HIVEP2: variants seen among roughly 807,000 people sequenced by gnomAD.
HIVEP2 encodes the protein transcription factor HIVEP2.
Under a neutral mutation model 180.7 loss-of-function variants are expected in HIVEP2, and 14 were observed. The ratio of observed to expected loss-of-function variants is 0.08; its 90% CI spans 0.05 to 0.12. The LOEUF is 0.12. Among genes scored for constraint, HIVEP2 ranks in the 10% least tolerant of loss-of-function variants. HIVEP2 has a pLI of 1.00. For synonymous variants in HIVEP2, 1,184 were observed against 1,136.4 expected, an observed-to-expected ratio of 1.04 and a Z score of -0.84; for missense variants, 2,579 against 3,008.5, an observed-to-expected ratio of 0.86 and a Z score of 3.34.
intron 1 of HIVEP2, among the ~76,000 whole-genome samples, chr6:142,918,990 G>A (rs1777628342): frequency 1.3e-5 from 2 of 152,132 alleles, no homozygotes; most frequent in Admixed American, 6.5e-5. Flanking sequence ...AATTTAGATT[G>A]TTTTATTCTT....
chr6:142,908,665 A>C (rs1777328367), intron 1 of HIVEP2, among the ~76,000 whole-genome samples: 1 of 152,166 alleles, frequency 6.6e-6, no homozygotes, highest in Admixed American at 6.5e-5. Flanking sequence ...TAGCAATCAA[A>C]GACCAAGAAC....
At chr6:142,934,796 A>G (rs1350936370) in intron 1 of HIVEP2, among the ~76,000 whole-genome samples, 2 of 152,214 alleles carry the variant, frequency 1.3e-5, no homozygotes, top group Admixed American at 1.3e-4. Context: ...TTTGCATGAA[A>G]GGAAACCGTT....
chr6:142,754,080 T>A (rs1434274420), intron 9 of HIVEP2, 149 bp from the exon 10 acceptor site: 7 of 558,620 alleles, frequency 1.3e-5, no homozygotes, highest in Non-Finnish European at 1.9e-5. Context: ...TTTTCCTATT[T>A]CAAGACAAAA....
chr6:142,757,219 G>C (rs980850989), intron 9 of HIVEP2, among the ~76,000 whole-genome samples: 1 of 152,094 alleles, frequency 6.6e-6, no homozygotes, highest in Admixed American at 6.5e-5. Context: ...TGCTTGGGAC[G>C]AACTGTCCCT....
At chr6:142,898,603 A>G (rs1777057485) in intron 1 of HIVEP2, among the ~76,000 whole-genome samples, 1 of 152,204 alleles carries the variant, frequency 6.6e-6, no homozygotes, top group Non-Finnish European at 1.5e-5. Context: ...TGGAGGTTGC[A>G]GTGAGGTCAC....
At chr6:142,776,869 G>A (rs1475625234) in intron 3 of HIVEP2, among the ~76,000 whole-genome samples, 1 of 152,074 alleles carries the variant, frequency 6.6e-6, no homozygotes, top group Non-Finnish European at 1.5e-5. Context: ...AGGTTTGAAT[G>A]TTTATGTTTA....
intron 2 of HIVEP2, among the ~76,000 whole-genome samples, chr6:142,794,806 T>C (rs560907299): frequency 6.6e-6 from 1 of 152,328 alleles, no homozygotes; most frequent in South Asian, 2.1e-4. Context: ...AATTCAGATT[T>C]AGAAACATGT....
chr6:142,779,274 G>A (rs1375241033), intron 3 of HIVEP2, among the ~76,000 whole-genome samples: 1 of 152,120 alleles, frequency 6.6e-6, no homozygotes, highest in African/African-American at 2.4e-5. Flanking sequence ...AATCAGGTAT[G>A]TATCATTTTC....
At chr6:142,782,551 C>T (rs1318436490) in intron 3 of HIVEP2, among the ~76,000 whole-genome samples, 1 of 152,128 alleles carries the variant, frequency 6.6e-6, no homozygotes, top group Non-Finnish European at 1.5e-5. Flanking sequence ...ATTATAAAGG[C>T]TTCTTTTAGT....
At chr6:142,884,028 T>C (rs774368654) in intron 1 of HIVEP2, among the ~76,000 whole-genome samples, 50 of 152,292 alleles carry the variant, frequency 3.3e-4, no homozygotes, top group Admixed American at 7.2e-4. Flanking sequence ...ACTTGATGGG[T>C]GAAACATTTT....
rs751248666 is a variant in HIVEP2, at chr6:142,773,124, G to A, written c.1615C>T (p.Pro539Ser). The change falls in exon 5 of 10, where the codon CCC becomes TCC. Residue 539 changes from proline (P) to serine (S), a missense_variant. Pro to Ser is a moderately conservative substitution (Grantham distance 74). Transcript: ENST00000367603. ...GGCACTGAGTTGCTTCTAATAAGGG[G>A]TGAAGAGTCTACAGGAGCTTCTAAG... ...VLLEAPVDSS[P>S]LIRSNSVPTS... 1 of 1,614,096 alleles carries A rather than the reference G, an allele frequency of 6.2e-7. No individual in the cohort carries two copies. Among genetic ancestry groups the A allele is most frequent in the East Asian group, 2.2e-5 (1 of 44,900 alleles).
intron 2 of HIVEP2, among the ~76,000 whole-genome samples, chr6:142,814,200 G>A (rs1443646357): frequency 6.6e-6 from 1 of 152,118 alleles, no homozygotes; most frequent in African/African-American, 2.4e-5. Flanking sequence ...ATTGAAATGT[G>A]ACATCAGAGG....
Position 142,774,231 on chromosome 6 carries a change from T to C in HIVEP2, c.508A>G (p.Ile170Val). 1 of 1,614,194 alleles carries C rather than the reference T, an allele frequency of 6.2e-7. No individual in the cohort carries two copies. The highest frequency in any genetic ancestry group is 1.1e-5 in the South Asian group (1 of 91,082). The change falls in exon 5 of 10, where the codon ATT (isoleucine) becomes GTT (valine). Residue 170 changes from isoleucine (I) to valine (V), a missense_variant. Physicochemically the swap from Ile to Val is conservative, Grantham distance 29. This residue lies in a region of HIVEP2 where 207 missense variants were observed against 210.1 expected (regional missense o/e 0.99). Coordinates refer to ENST00000367603, the MANE Select transcript of HIVEP2 (RefSeq NM_006734.4). The surrounding 1 kb of genome is among the most constrained non-coding windows in gnomAD (Gnocchi z 5.1). The part of the protein sequence containing the change: ...PAYSQYSQKS[I>V]EQAEEAHKKE... ...TTGTGAGCCTCTTCTGCCTGTTCAATACTTTTCTGGGAGTATTGGCTATAA... is the reference window on the plus strand; with the variant it reads ...TTGTGAGCCTCTTCTGCCTGTTCAACACTTTTCTGGGAGTATTGGCTATAA...
intron 1 of HIVEP2, among the ~76,000 whole-genome samples, chr6:142,839,985 G>A (rs1775322660): frequency 6.6e-6 from 1 of 152,108 alleles, no homozygotes; most frequent in Admixed American, 6.5e-5. Flanking sequence ...GCTAGCAAGA[G>A]TTTACTGAAC....
At chr6:142,886,603 T>C (rs771919952) in intron 1 of HIVEP2, among the ~76,000 whole-genome samples, 1 of 152,214 alleles carries the variant, frequency 6.6e-6, no homozygotes, top group Non-Finnish European at 1.5e-5. Context: ...CACTTCCGAC[T>C]TGCAACACCC....
intron 1 of HIVEP2, among the ~76,000 whole-genome samples, chr6:142,858,180 G>A (rs115177156): frequency 0.011 from 1,691 of 152,244 alleles, 29 homozygotes; most frequent in African/African-American, 0.038. Flanking sequence ...ATACTATGCC[G>A]TTTCTCTTCC....
At chr6:142,911,116 T>C (rs2128429634) in intron 1 of HIVEP2, among the ~76,000 whole-genome samples, 1 of 131,310 alleles carries the variant, frequency 7.6e-6, no homozygotes, top group East Asian at 2.2e-4. Context: ...CACTTTAATA[T>C]GGAAGACAAA....
intron 1 of HIVEP2, among the ~76,000 whole-genome samples, chr6:142,838,060 A>C (rs969251380): frequency 3.3e-5 from 5 of 152,226 alleles, no homozygotes; most frequent in Admixed American, 6.5e-5. Context: ...ACATTAACAA[A>C]ATTAATTGAT....
chr6:142,889,710 G>A (rs781138950), intron 1 of HIVEP2, among the ~76,000 whole-genome samples: 1 of 152,172 alleles, frequency 6.6e-6, no homozygotes, highest in East Asian at 1.9e-4. Context: ...TTGAGAAGGT[G>A]CTCAATAAAT....
Sources: gnomAD v4.1 joint callset for allele counts (sites outside exome capture counted in the v4.1 genomes callset) on GRCh38, gnomAD v4.1.1 for gene constraint, gnomAD v4.1.1 regional missense constraint, Gnocchi (gnomAD v3.1) non-coding constraint, MANE v1.5 for transcripts, NCBI Gene and HGNC (gene_info 2026-07-23, HGNC 2026-07-21) for gene names.